IQCB1: variants seen among roughly 807,000 people sequenced by gnomAD.
IQCB1 encodes the protein IQ motif containing B1.
IQCB1 carries 56 observed loss-of-function variants against 84.4 expected under a neutral mutation model. That is an observed-to-expected ratio of 0.66 (90% CI 0.54 to 0.83). The LOEUF (loss-of-function observed/expected upper bound fraction) is 0.83. IQCB1 is among the 40% of genes least tolerant of loss of function. The pLI is 0.00. For missense variants in IQCB1, 629 were observed against 682.1 expected (o/e 0.92, Z 0.87); for synonymous variants, 210 against 234.8 (o/e 0.89, Z 0.96).
At chr3:121,815,446 A>G (rs1347404875) in intron 5 of IQCB1, among the ~76,000 whole-genome samples, 1 of 152,194 alleles carries the variant, frequency 6.6e-6, no homozygotes, top group Non-Finnish European at 1.5e-5. Flanking sequence ...GTATTCGAAT[A>G]GGAAGAGAGA....
At chr3:121,783,176 G>A (rs1027464429) in intron 12 of IQCB1, among the ~76,000 whole-genome samples, 2 of 152,116 alleles carry the variant, frequency 1.3e-5, no homozygotes, top group Non-Finnish European at 2.9e-5. Context: ...TGTTTAATTT[G>A]TCAGTTTCAT....
At chr3:121,788,702 T>C (rs1328377075) in intron 11 of IQCB1, among the ~76,000 whole-genome samples, 27 of 124,402 alleles carry the variant, frequency 2.2e-4, no homozygotes, top group African/African-American at 8.0e-4. Flanking sequence ...CAAAGAACAC[T>C]AAAAAAAAAA....
Position 121,818,390 on chromosome 3 carries a change from A to C in IQCB1, c.393+7661T>G, listed in dbSNP as rs374572563. Among the ~76,000 whole-genome samples, 11 of 152,232 alleles carry C rather than the reference A, an allele frequency of 7.2e-5. 1 individual carries two copies. In the East Asian group the frequency reaches 7.7e-4, roughly 11 times the overall value. The stretch of plus-strand genomic sequence containing the variant: ...GTGAGGAAATATCATTTTTTAAAAA[A>C]TCAAATGACAGCTTGGAGCAAAATA... On this transcript the variant is annotated intron_variant, in intron 5 of 14. Coordinates refer to ENST00000310864, the MANE Select transcript of IQCB1 (RefSeq NM_001023570.4).
chr3:121,804,540 A>G (rs964312767), intron 7 of IQCB1, among the ~76,000 whole-genome samples: 2 of 152,082 alleles, frequency 1.3e-5, no homozygotes, highest in African/African-American at 4.8e-5. Flanking sequence ...TCAGTATTCA[A>G]CTGTCTTTTT....
intron 5 of IQCB1, among the ~76,000 whole-genome samples, chr3:121,812,040 G>C (rs927625937): frequency 6.6e-6 from 1 of 152,178 alleles, no homozygotes; most frequent in Non-Finnish European, 1.5e-5. Flanking sequence ...GCAGGAATCA[G>C]GCAGGTGCCA....
chr3:121,824,483 A>G (rs536926659), intron 5 of IQCB1, among the ~76,000 whole-genome samples: 25 of 152,340 alleles, frequency 1.6e-4, no homozygotes, highest in Non-Finnish European at 3.7e-4. Context: ...CAGAAAGTGT[A>G]TCATGTAAAC....
intron 12 of IQCB1, among the ~76,000 whole-genome samples, chr3:121,784,608 T>C (rs75631262): frequency 0.035 from 5,375 of 152,346 alleles, 154 homozygotes; most frequent in Non-Finnish European, 0.058. Flanking sequence ...AGATATTCAG[T>C]GATACTTATC....
intron 12 of IQCB1, among the ~76,000 whole-genome samples, chr3:121,784,473 A>G (rs1465163165): frequency 6.6e-6 from 1 of 152,038 alleles, no homozygotes; most frequent in Non-Finnish European, 1.5e-5. Context: ...TTTGTTTCAT[A>G]TATTACCTTT....
intron 4 of IQCB1, among the ~76,000 whole-genome samples, chr3:121,828,045 C>G (rs181224158): frequency 1.3e-5 from 2 of 152,176 alleles, no homozygotes; most frequent in Admixed American, 1.3e-4. Context: ...TTTATCAGTT[C>G]TCCTATAGTA....
intron 5 of IQCB1, among the ~76,000 whole-genome samples, chr3:121,810,572 T>A (rs758309252): frequency 7.3e-4 from 110 of 151,616 alleles, no homozygotes; most frequent in Middle Eastern, 3.4e-3. Context: ...AATATACAAA[T>A]ACATAACATA....
intron 11 of IQCB1, among the ~76,000 whole-genome samples, 159 bp downstream of exon 11, chr3:121,789,914 G>A (rs1037166591): frequency 6.6e-6 from 1 of 152,040 alleles, no homozygotes; most frequent in African/African-American, 2.4e-5. Flanking sequence ...AACAGTAACC[G>A]TTTTTGAACT....
intron 5 of IQCB1, among the ~76,000 whole-genome samples, chr3:121,817,650 C>T (rs4482697): frequency 0.4 from 60,210 of 151,762 alleles, 12,501 homozygotes; most frequent in South Asian, 0.56. Context: ...AAGACTGTGT[C>T]TATTCTTTAT....
intron 14 of IQCB1, among the ~76,000 whole-genome samples, chr3:121,770,971 C>T (rs1429693766): frequency 1.3e-5 from 2 of 151,898 alleles, no homozygotes; most frequent in Admixed American, 1.3e-4. Flanking sequence ...CATATTCAGC[C>T]CATTTCTGTT....
At chr3:121,802,006 C>T (rs1949426882) in intron 7 of IQCB1, among the ~76,000 whole-genome samples, 1 of 151,742 alleles carries the variant, frequency 6.6e-6, no homozygotes, top group Non-Finnish European at 1.5e-5. Flanking sequence ...GACGTATTAA[C>T]TTTTTAATAT....
chr3:121,789,925 CAGA>C lies in IQCB1; in HGVS notation c.1129+145_1129+147del, dbSNP rs1948888497. 14 of 689,496 alleles carry C rather than the reference CAGA, an allele frequency of 2.0e-5. 1 individual carries two copies. In the South Asian group the frequency reaches 2.1e-4, roughly 10 times the overall value. 42.7% of individuals were successfully genotyped at this position (689,496 alleles called of 1,614,324 possible). On this transcript the variant is annotated intron_variant, in intron 11 of 14. Coordinates refer to ENST00000310864, the MANE Select transcript of IQCB1 (RefSeq NM_001023570.4). The stretch of plus-strand genomic sequence containing the variant: ...AAAAAACAGTAACCGTTTTTGAACT[CAGA>C]AGATCTAATAAAGTTTATCTGAAAA...
intron 10 of IQCB1, 100 bp from the exon 11 acceptor site, chr3:121,790,315 A>C: frequency 9.1e-7 from 1 of 1,099,694 alleles, no homozygotes; most frequent in Non-Finnish European, 1.4e-6. Context: ...AAAAAATTTT[A>C]AGATAATTTC....
At position 121,835,040 on chromosome 3, in the gene IQCB1, G is replaced by A. The variant is rs1227613868; in HGVS notation, c.-176C>T. 2 of 572,956 alleles carry A rather than the reference G, an allele frequency of 3.5e-6. No individual in the cohort carries two copies. Among genetic ancestry groups the A allele is most frequent in the African/African-American group, 1.9e-5 (1 of 53,424 alleles). 35.5% of individuals were successfully genotyped at this position (572,956 alleles called of 1,614,324 possible). On this transcript the variant is annotated 5_prime_UTR_variant, in exon 1 of 15. Transcript: ENST00000310864. The stretch of plus-strand genomic sequence containing the variant: ...CGCACTACAGCGCCGCGGCCTTCCG[G>A]GGCAGCGTGCGTCGCGACGCGGGAA...
intron 14 of IQCB1, among the ~76,000 whole-genome samples, chr3:121,770,865 TCTCACTATGCTGCCCAGG>T (rs1481430150): frequency 6.6e-6 from 1 of 152,094 alleles, no homozygotes; most frequent in Admixed American, 6.5e-5. Context: ...TTTGTAGAGA[TCTCACTATGCTGCCCAGG>T]CTGGTCTCAA....
chr3:121,783,055 C>T (rs937644787), intron 12 of IQCB1, among the ~76,000 whole-genome samples: 7 of 152,216 alleles, frequency 4.6e-5, no homozygotes, highest in Non-Finnish European at 1.0e-4. Context: ...TGACACACTA[C>T]ATGACCTGCA....
Sources: gnomAD v4.1 joint callset for allele counts (sites outside exome capture counted in the v4.1 genomes callset) on GRCh38, gnomAD v4.1.1 for gene constraint, MANE v1.5 for transcripts, NCBI Gene and HGNC (gene_info 2026-07-23, HGNC 2026-07-21) for gene names.